Variants in FANCL observed in about 807,000 individuals in gnomAD.
FANCL encodes the protein E3 ubiquitin-protein ligase FANCL.
FANCL carries 69 observed loss-of-function variants against 59.4 expected under a neutral mutation model. The ratio of observed to expected loss-of-function variants is 1.16; its 90% CI spans 0.96 to 1.42. The LOEUF is 1.42. FANCL is among the 40% of genes most tolerant of loss of function. FANCL has a pLI of 0.00. For synonymous variants in FANCL, 180 were observed against 147.1 expected (o/e 1.22, Z -1.62); for missense variants, 519 against 447.2 (o/e 1.16, Z -1.45).
intron 7 of FANCL, among the ~76,000 whole-genome samples, chr2:58,195,186 T>A (rs1478272799): frequency 6.6e-6 from 1 of 152,060 alleles, no homozygotes; most frequent in East Asian, 1.9e-4. Flanking sequence ...AGATTACACA[T>A]AACAAGAAGT....
intron 5 of FANCL, among the ~76,000 whole-genome samples, chr2:58,207,674 A>C (rs1690728949): frequency 6.6e-6 from 1 of 152,186 alleles, no homozygotes; most frequent in African/African-American, 2.4e-5. Context: ...GACAGAAAAA[A>C]ATATCTTGGT....
intron 6 of FANCL, among the ~76,000 whole-genome samples, chr2:58,203,384 T>A (rs1161517010): frequency 6.6e-5 from 10 of 151,900 alleles, no homozygotes; most frequent in Non-Finnish European, 7.4e-5. Flanking sequence ...GAAAAAGAGT[T>A]GATTGATTGA....
intron 1 of FANCL, 149 bp from the exon 2 acceptor site, chr2:58,232,261 A>G: frequency 2.9e-6 from 2 of 696,934 alleles, no homozygotes; most frequent in Non-Finnish European, 5.0e-6. Context: ...GTTAAAATAT[A>G]TGCAACACAA....
intron 3 of FANCL, among the ~76,000 whole-genome samples, chr2:58,228,729 T>C (rs928110007): frequency 9.2e-5 from 14 of 152,150 alleles, no homozygotes; most frequent in Admixed American, 9.2e-4. Context: ...ACTGGGACTG[T>C]AAAATAAAAA....
At chr2:58,173,386 G>A (rs1053536867) in intron 7 of FANCL, among the ~76,000 whole-genome samples, 15 of 152,194 alleles carry the variant, frequency 9.9e-5, no homozygotes, top group East Asian at 1.9e-4. Flanking sequence ...CAGCCAGAGA[G>A]AAAGGTCGGG....
At chr2:58,186,411 A>G (rs921845542) in intron 7 of FANCL, among the ~76,000 whole-genome samples, 1 of 152,190 alleles carries the variant, frequency 6.6e-6, no homozygotes, top group Non-Finnish European at 1.5e-5. Context: ...AGCCAGAGAC[A>G]AGGACATGTA....
chr2:58,176,067 T>C (rs923210366), intron 7 of FANCL, among the ~76,000 whole-genome samples: 11 of 151,836 alleles, frequency 7.2e-5, no homozygotes, highest in Admixed American at 5.2e-4. Context: ...GAATCCAACT[T>C]ACAAGGGATG....
intron 1 of FANCL, among the ~76,000 whole-genome samples, chr2:58,235,822 C>A (rs1424638395): frequency 6.6e-6 from 1 of 151,650 alleles, no homozygotes; most frequent in African/African-American, 2.4e-5. Context: ...ATAAAGACTC[C>A]CTCAAAAAAC....
rs151149443 is a variant in FANCL, at chr2:58,172,540, T to C, written c.541-6666A>G. Among the ~76,000 whole-genome samples the C allele has an allele frequency of 3.3e-5, 5 of 152,226 alleles. No homozygotes were observed. The East Asian group carries it at 9.6e-4, about 29-fold the overall frequency. The stretch of plus-strand genomic sequence containing the variant: ...ACTCCAACAGACCTGCAGCTGAGGG[T>C]CTCTGTTAACAGAGGGTCTGTTTGT... On this transcript the variant is annotated intron_variant, in intron 7 of 13. Coordinates refer to ENST00000233741, the MANE Select transcript of FANCL (RefSeq NM_018062.4).
chr2:58,226,903 A>T, intron 3 of FANCL, 119 bp from the exon 4 acceptor site: 1 of 808,424 alleles, frequency 1.2e-6, no homozygotes, highest in Non-Finnish European at 2.0e-6. Context: ...TCTACATCTG[A>T]AAACTATAAG....
At chr2:58,192,159 C>T (rs908734340) in intron 7 of FANCL, among the ~76,000 whole-genome samples, 1 of 151,902 alleles carries the variant, frequency 6.6e-6, no homozygotes, top group Non-Finnish European at 1.5e-5. Context: ...CAACTAGTTT[C>T]TTTGGGTCTT....
At chr2:58,217,186 A>ATTT (rs1472813252) in intron 5 of FANCL, among the ~76,000 whole-genome samples, 512 of 4,694 alleles carry the variant, frequency 0.11, 16 homozygotes, top group African/African-American at 0.33. Context: ...ATATATATAT[A>ATTT]TATATATATA....
At chr2:58,168,750 A>C (rs1686220183) in intron 7 of FANCL, among the ~76,000 whole-genome samples, 1 of 152,062 alleles carries the variant, frequency 6.6e-6, no homozygotes. Flanking sequence ...TGGGGCACTC[A>C]AGCTTGGTGG....
chr2:58,236,199 G>C (rs1694006205), intron 1 of FANCL, among the ~76,000 whole-genome samples: 2 of 151,854 alleles, frequency 1.3e-5, no homozygotes, highest in South Asian at 4.2e-4. Context: ...ACACATCAAA[G>C]TGACTGAAAC....
At chr2:58,181,780 G>A (rs180765858) in intron 7 of FANCL, among the ~76,000 whole-genome samples, 1 of 151,630 alleles carries the variant, frequency 6.6e-6, no homozygotes, top group Non-Finnish European at 1.5e-5. Context: ...ACATTGGAGG[G>A]GGGAATGAAT....
intron 5 of FANCL, among the ~76,000 whole-genome samples, chr2:58,218,755 G>T (rs1381732747): frequency 6.6e-6 from 1 of 151,954 alleles, no homozygotes; most frequent in Non-Finnish European, 1.5e-5. Context: ...AACAGATAAT[G>T]GGAGCTCGGT....
At chr2:58,238,179 TTA>T (rs1017724249) in intron 1 of FANCL, among the ~76,000 whole-genome samples, 1 of 152,348 alleles carries the variant, frequency 6.6e-6, no homozygotes, top group Admixed American at 6.5e-5. Context: ...TTTTTTTAGC[TTA>T]TCAGCTATCA....
Position 58,217,201 on chromosome 2 carries a change from TATATATATATATATACACACACACAC to T in FANCL, c.374+4715_374+4740del, listed in dbSNP as rs1354629169. 6.5e-3 allele frequency among the ~76,000 whole-genome samples: 80 copies of T among 12,300 alleles called. 2 individuals carry two copies. Among genetic ancestry groups the T allele is most frequent in the African/African-American group, 0.012 (69 of 5,776 alleles). The allele number at this position is 12,300 out of a possible 152,430, so 8.1% of individuals were successfully genotyped here. ...ATATATATATATATATATATATATA[TATATATATATATATACACACACACAC>T]ACACACACACACACACATATATATG... On this transcript the variant is annotated intron_variant, in intron 5 of 13. Transcript: ENST00000233741.
chr2:58,159,494 A>G lies in FANCL; in HGVS notation c.*271T>C. ...GATTTTACCAGTCCAGATATATTCA[A>G]GAAGTCAAGATCTCCATCTTGGTAT... On this transcript the variant is annotated 3_prime_UTR_variant, in exon 14 of 14. Coordinates refer to ENST00000233741, the MANE Select transcript of FANCL (RefSeq NM_018062.4). 2 of 1,613,774 alleles carry G rather than the reference A, an allele frequency of 1.2e-6. No homozygotes were observed. The highest frequency in any genetic ancestry group is 2.2e-5 in the South Asian group (2 of 91,068).
Sources: gnomAD v4.1 joint callset for allele counts (sites outside exome capture counted in the v4.1 genomes callset) on GRCh38, gnomAD v4.1.1 for gene constraint, MANE v1.5 for transcripts, NCBI Gene and HGNC (gene_info 2026-07-23, HGNC 2026-07-21) for gene names.